Variants in CEACAM5 observed in about 807,000 individuals in gnomAD.
CEACAM5 encodes cell adhesion molecule CEACAM5.
CEACAM5 carries 52 observed loss-of-function variants against 63.0 expected under a neutral mutation model. The ratio of observed to expected loss-of-function variants is 0.83; its 90% CI spans 0.66 to 1.04. The LOEUF (loss-of-function observed/expected upper bound fraction) is 1.04, where lower values mean the gene tolerates loss of function less well. Ranked by LOEUF, CEACAM5 falls within the 50% of genes least tolerant of loss-of-function variation. The pLI is 0.00. For missense variants in CEACAM5, 790 were observed against 864.8 expected, an observed-to-expected ratio of 0.91 and a Z score of 1.08; for synonymous variants, 357 against 351.3, an observed-to-expected ratio of 1.02 and a Z score of -0.18.
At chr19:41,716,177 G>A (rs781789121) in intron 4 of CEACAM5, among the ~76,000 whole-genome samples, 3 of 152,346 alleles carry the variant, frequency 2.0e-5, no homozygotes, top group East Asian at 3.9e-4. Flanking sequence ...TTCACAGAGC[G>A]GGAAGGAGCA....
chr19:41,718,415 T>C (rs781893632), intron 6 of CEACAM5, 33 bp downstream of exon 6: 10 of 1,604,756 alleles, frequency 6.2e-6, no homozygotes, highest in African/African-American at 1.3e-5. Flanking sequence ...AGCAATATGT[T>C]CTGGAGCGGA....
intron 9 of CEACAM5, among the ~76,000 whole-genome samples, chr19:41,728,491 G>C (rs782611793): frequency 2.6e-5 from 4 of 152,174 alleles, no homozygotes; most frequent in Non-Finnish European, 2.9e-5. Context: ...AGGAGGATTA[G>C]AATTGCCCAT....
Position 41,717,311 on chromosome 19 carries a change from G to A in CEACAM5, c.959-144G>A. 4.6e-6 allele frequency: 4 copies of A among 865,418 alleles called. No individual in the cohort carries two copies. The East Asian group carries it at 9.8e-5, about 21-fold the overall frequency. 53.6% of individuals were successfully genotyped at this position (865,418 alleles called of 1,614,324 possible). ...TGAGCCCTCAGATCATTGTGCATCT[G>A]TCTTGTGACGCACACACACCTGCCA... On this transcript the variant is annotated intron_variant, in intron 4 of 9. Transcript: ENST00000221992.
rs1555813344 is a variant in CEACAM5, at chr19:41,708,766, G to A, written c.35G>A (p.Cys12Tyr). ...CCCTCGGCCCCTCCCCACAGATGGTGCATCCCCTGGCAGAGGCTCCTGCTC... is the reference window on the plus strand; with the variant it reads ...CCCTCGGCCCCTCCCCACAGATGGTACATCCCCTGGCAGAGGCTCCTGCTC... ...ESPSAPPHRWCIPWQRLLLTA... is the reference protein window; with the variant it reads ...ESPSAPPHRWYIPWQRLLLTA... The change falls in exon 1 of 10, where the codon TGC becomes TAC. Residue 12 changes from cysteine to tyrosine, a missense_variant. Coordinates refer to ENST00000221992, the MANE Select transcript of CEACAM5 (RefSeq NM_004363.6). 6.2e-6 allele frequency: 10 copies of A among 1,612,026 alleles called. No homozygotes were observed. The Admixed American group carries it at 6.7e-5, about 11-fold the overall frequency.
intron 6 of CEACAM5, among the ~76,000 whole-genome samples, chr19:41,718,866 C>T (rs60959547): frequency 0.016 from 2,427 of 152,336 alleles, 63 homozygotes; most frequent in African/African-American, 0.053. Flanking sequence ...GGCTCCGCTC[C>T]GGGCTCCCCC....
intron 2 of CEACAM5, among the ~76,000 whole-genome samples, chr19:41,712,222 G>A (rs2072447567): frequency 6.6e-6 from 1 of 152,092 alleles, no homozygotes; most frequent in Non-Finnish European, 1.5e-5. Flanking sequence ...GTGGATCCTG[G>A]GACCTCCCCC....
rs1353344544 is a variant in CEACAM5 at position 41,729,521 on chromosome 19, G to T, written c.*374G>T. The T allele has an allele frequency of 2.6e-5, 4 of 152,046 alleles. No individual in the cohort carries two copies. Among genetic ancestry groups the T allele is most frequent in the African/African-American group, 9.7e-5 (4 of 41,394 alleles). The allele number at this position is 152,046 out of a possible 1,614,324, so 9.4% of individuals were successfully genotyped here. A position where few individuals can be genotyped will look rare whatever the true frequency, so the allele number is the denominator to read the frequency against. On this transcript the variant is annotated 3_prime_UTR_variant, in exon 10 of 10. Coordinates refer to ENST00000221992, the MANE Select transcript of CEACAM5 (RefSeq NM_004363.6). ...AAAGAAGACTCTGACCTGTACTCTT[G>T]AATACAAGTTTCTGATACCACTGCA...
At chr19:41,716,625 T>A (rs997178398) in intron 4 of CEACAM5, among the ~76,000 whole-genome samples, 1 of 152,166 alleles carries the variant, frequency 6.6e-6, no homozygotes, top group South Asian at 2.1e-4. Flanking sequence ...GCACAGCACA[T>A]GGGACACAGC....
intron 8 of CEACAM5, among the ~76,000 whole-genome samples, chr19:41,723,082 T>A (rs1163752471): frequency 3.9e-5 from 6 of 152,062 alleles, no homozygotes; most frequent in Non-Finnish European, 7.4e-5. Flanking sequence ...TAATTTTTTT[T>A]TTTTTATTTT....
intron 8 of CEACAM5, among the ~76,000 whole-genome samples, chr19:41,723,289 A>G (rs988002757): frequency 6.6e-6 from 1 of 152,184 alleles, no homozygotes; most frequent in African/African-American, 2.4e-5. Flanking sequence ...TCACATTTCT[A>G]TCAGCAATGC....
rs1368783171 is a variant in CEACAM5 at position 41,709,718 on chromosome 19, A to C, written c.103A>C (p.Lys35Gln). Residue 35 changes from lysine (K) to glutamine (Q), a missense_variant, in exon 2 of 10, where the codon AAG becomes CAG. Physicochemically the swap from Lys to Gln is moderately conservative, Grantham distance 53 (BLOSUM62 1). Coordinates refer to ENST00000221992, the MANE Select transcript of CEACAM5 (RefSeq NM_004363.6). Reference protein sequence around the residue: ...LTFWNPPTTAKLTIESTPFNV... With the variant: ...LTFWNPPTTAQLTIESTPFNV... The stretch of plus-strand genomic sequence containing the variant: ...CTTCTGGAACCCGCCCACCACTGCC[A>C]AGCTCACTATTGAATCCACGCCGTT... 4.3e-6 allele frequency: 7 copies of C among 1,614,100 alleles called. No individual in the cohort carries two copies. Among genetic ancestry groups the C allele is most frequent in the Non-Finnish European group, 5.9e-6 (7 of 1,180,000 alleles).
At chr19:41,710,064 G>T in intron 2 of CEACAM5, 25 bp downstream of exon 2, 1 of 1,578,920 alleles carries the variant, frequency 6.3e-7, no homozygotes, top group Non-Finnish European at 8.6e-7. Context: ...CATGACCTCT[G>T]GGTGTTGGGG....
At chr19:41,721,663 G>A (rs1213404523) in intron 8 of CEACAM5, among the ~76,000 whole-genome samples, 5 of 152,378 alleles carry the variant, frequency 3.3e-5, no homozygotes, top group African/African-American at 7.2e-5. Flanking sequence ...CTCTGCGCCC[G>A]GCTCACCCGG....
intron 1 of CEACAM5, among the ~76,000 whole-genome samples, chr19:41,709,364 T>C (rs1048306747): frequency 6.6e-6 from 1 of 152,132 alleles, no homozygotes; most frequent in African/African-American, 2.4e-5. Flanking sequence ...CCAGGGTCTC[T>C]AGAGGAGGTG....
chr19:41,715,949 T>G (rs1555814998), intron 4 of CEACAM5, 45 bp downstream of exon 4: 3 of 1,590,666 alleles, frequency 1.9e-6, no homozygotes, highest in Non-Finnish European at 2.6e-6. Flanking sequence ...TGAGGTGGAG[T>G]CTGTCTGGTT....
At chr19:41,711,536 G>A (rs1438571532) in intron 2 of CEACAM5, among the ~76,000 whole-genome samples, 2 of 152,106 alleles carry the variant, frequency 1.3e-5, no homozygotes, top group African/African-American at 2.4e-5. Context: ...TGAGATCCAT[G>A]TACCATTCCT....
At chr19:41,722,465 A>G (rs1198195811) in intron 8 of CEACAM5, among the ~76,000 whole-genome samples, 1 of 152,050 alleles carries the variant, frequency 6.6e-6, no homozygotes, top group Non-Finnish European at 1.5e-5. Context: ...ATCTTACCAT[A>G]CTAAACCTCT....
chr19:41,720,113 T>G lies in CEACAM5; in HGVS notation c.1676T>G (p.Phe559Cys). 1 of 1,614,180 alleles carries G rather than the reference T, an allele frequency of 6.2e-7. No individual in the cohort carries two copies. The highest frequency in any genetic ancestry group is 8.5e-7 in the Non-Finnish European group (1 of 1,180,050). Residue 559 changes from phenylalanine (F) to cysteine (C), a missense_variant, in exon 7 of 10, where the codon TTC becomes TGC. By Grantham distance (205) the Phe-to-Cys change is radical (BLOSUM62 -2). Coordinates refer to ENST00000221992, the MANE Select transcript of CEACAM5 (RefSeq NM_004363.6). Reference sequence around the variant, plus strand: ...AATGGCAACAGGACCCTCACTCTATTCAATGTCACAAGAAATGACGCAAGA... The same window carrying G: ...AATGGCAACAGGACCCTCACTCTATGCAATGTCACAAGAAATGACGCAAGA... Reference protein sequence around the residue: ...LSNGNRTLTLFNVTRNDARAY... With the variant: ...LSNGNRTLTLCNVTRNDARAY...
At chr19:41,723,612 G>T (rs1435837146) in intron 8 of CEACAM5, among the ~76,000 whole-genome samples, 1 of 151,890 alleles carries the variant, frequency 6.6e-6, no homozygotes, top group Non-Finnish European at 1.5e-5. Context: ...CATTTCATAG[G>T]TTGCCTTTTC....
Sources: gnomAD v4.1 joint callset for allele counts (sites outside exome capture counted in the v4.1 genomes callset) on GRCh38, gnomAD v4.1.1 for gene constraint, MANE v1.5 for transcripts, NCBI Gene and HGNC (gene_info 2026-07-23, HGNC 2026-07-21) for gene names.